Variants in CNTN1 observed in about 807,000 individuals in gnomAD.
CNTN1 encodes contactin 1.
Under a neutral mutation model 126.4 loss-of-function variants are expected in CNTN1, and 38 were observed. That is an observed-to-expected ratio of 0.30 (90% CI 0.23 to 0.39). The LOEUF is 0.39. Among genes scored for constraint, CNTN1 ranks in the 10% least tolerant of loss-of-function variants. The pLI is 1.00. For missense variants in CNTN1, 1,009 were observed against 1,248.4 expected, an observed-to-expected ratio of 0.81 and a Z score of 2.89; for synonymous variants, 413 against 422.6, an observed-to-expected ratio of 0.98 and a Z score of 0.28.
At chr12:40,932,076 G>A (rs1203733535) in intron 7 of CNTN1, among the ~76,000 whole-genome samples, 2 of 151,820 alleles carry the variant, frequency 1.3e-5, no homozygotes, top group Non-Finnish European at 2.9e-5. Context: ...ATGCCAGCAA[G>A]GTCTTCCACT....
intron 17 of CNTN1, among the ~76,000 whole-genome samples, chr12:41,008,531 TG>T (rs1324258794): frequency 2.6e-5 from 4 of 152,326 alleles, no homozygotes; most frequent in African/African-American, 9.6e-5. Flanking sequence ...GGGTGGCTAG[TG>T]TAATTTTAGT....
chr12:41,033,585 G>A (rs997014874), intron 23 of CNTN1, among the ~76,000 whole-genome samples: 1 of 152,010 alleles, frequency 6.6e-6, no homozygotes, highest in African/African-American at 2.4e-5. Flanking sequence ...ATTTTTCTAC[G>A]GAAAAGAAGT....
At chr12:40,951,192 G>T (rs1409417700) in intron 14 of CNTN1, among the ~76,000 whole-genome samples, 1 of 152,012 alleles carries the variant, frequency 6.6e-6, no homozygotes, top group Non-Finnish European at 1.5e-5. Flanking sequence ...ATGGTCTTTT[G>T]AGTTTTCATT....
chr12:40,890,292 C>T (rs913907768), intron 1 of CNTN1, among the ~76,000 whole-genome samples: 1 of 152,196 alleles, frequency 6.6e-6, no homozygotes, highest in Non-Finnish European at 1.5e-5. Context: ...CCACTGTCAA[C>T]ATCCCGCACC....
chr12:41,035,763 C>A (rs1949245025), intron 23 of CNTN1, among the ~76,000 whole-genome samples: 1 of 152,040 alleles, frequency 6.6e-6, no homozygotes, highest in African/African-American at 2.4e-5. Context: ...CTTGTCATGT[C>A]AAGGACCTGA....
At chr12:40,840,109 C>A (rs374562671) in intron 1 of CNTN1, among the ~76,000 whole-genome samples, 3 of 151,332 alleles carry the variant, frequency 2.0e-5, no homozygotes, top group African/African-American at 7.3e-5. Flanking sequence ...ACTCACCTTA[C>A]CAGTGAAGAC....
intron 3 of CNTN1, among the ~76,000 whole-genome samples, chr12:40,916,080 C>T (rs577663992): frequency 2.6e-5 from 4 of 152,196 alleles, no homozygotes; most frequent in African/African-American, 7.2e-5. Flanking sequence ...GAACTTTACA[C>T]TCCCCTAAGC....
chr12:40,945,398 A>C (rs1226626748), intron 14 of CNTN1, among the ~76,000 whole-genome samples: 1 of 152,080 alleles, frequency 6.6e-6, no homozygotes, highest in East Asian at 1.9e-4. Flanking sequence ...AAAGTAAGCT[A>C]AACAGGGATC....
intron 1 of CNTN1, among the ~76,000 whole-genome samples, chr12:40,846,939 C>T (rs1942530556): frequency 6.6e-6 from 1 of 152,128 alleles, no homozygotes; most frequent in South Asian, 2.1e-4. Context: ...GCGATCTCGG[C>T]TCACTGCATC....
intron 1 of CNTN1, among the ~76,000 whole-genome samples, chr12:40,849,793 C>A (rs1167304208): frequency 6.6e-6 from 1 of 151,776 alleles, no homozygotes; most frequent in Non-Finnish European, 1.5e-5. Flanking sequence ...GCAGCCAAAG[C>A]CAAACAAATT....
chr12:40,895,797 G>A (rs957157344), intron 1 of CNTN1, among the ~76,000 whole-genome samples: 10 of 138,274 alleles, frequency 7.2e-5, no homozygotes, highest in African/African-American at 2.5e-4. Context: ...TGGCTCTGTC[G>A]CCCAGGCTGG....
At chr12:40,834,602 C>T (rs1043717310) in intron 1 of CNTN1, among the ~76,000 whole-genome samples, 1 of 152,094 alleles carries the variant, frequency 6.6e-6, no homozygotes, top group African/African-American at 2.4e-5. Flanking sequence ...TATTGAAGAA[C>T]TGGGTGGATA....
intron 1 of CNTN1, among the ~76,000 whole-genome samples, chr12:40,778,696 A>C (rs889182986): frequency 1.2e-4 from 18 of 151,978 alleles, no homozygotes; most frequent in African/African-American, 3.9e-4. Context: ...CTAACCAAAA[A>C]AAACCTAAGA....
chr12:41,044,014 G>C (rs1324049691), intron 23 of CNTN1, among the ~76,000 whole-genome samples: 1 of 103,478 alleles, frequency 9.7e-6, no homozygotes, highest in African/African-American at 3.7e-5. Context: ...TGGGGGGAGG[G>C]GGGTGGGATA....
At chr12:40,916,561 C>T (rs1436248453) in intron 3 of CNTN1, among the ~76,000 whole-genome samples, 3 of 152,024 alleles carry the variant, frequency 2.0e-5, no homozygotes, top group Non-Finnish European at 2.9e-5. Context: ...CAGAAAATAT[C>T]AGGCATCTTC....
At chr12:40,932,162 C>G (rs1248039745) in intron 7 of CNTN1, among the ~76,000 whole-genome samples, 2 of 151,654 alleles carry the variant, frequency 1.3e-5, no homozygotes, top group Non-Finnish European at 1.5e-5. Context: ...TTGGCTGTGT[C>G]CTCACCCAAA....
chr12:40,891,987 T>C (rs1055510072), intron 1 of CNTN1, among the ~76,000 whole-genome samples: 1 of 152,178 alleles, frequency 6.6e-6, no homozygotes, highest in African/African-American at 2.4e-5. Flanking sequence ...AGAACTGATA[T>C]CTTGACAATT....
At chr12:40,782,081 T>C (rs1939825470) in intron 1 of CNTN1, among the ~76,000 whole-genome samples, 1 of 151,974 alleles carries the variant, frequency 6.6e-6, no homozygotes, top group African/African-American at 2.4e-5. Flanking sequence ...TTTTGTTACA[T>C]AATAGTAATT....
At chr12:40,821,943 G>A (rs1466295592) in intron 1 of CNTN1, among the ~76,000 whole-genome samples, 3 of 151,164 alleles carry the variant, frequency 2.0e-5, no homozygotes, top group Non-Finnish European at 2.9e-5. Context: ...GATATTTCAA[G>A]CATTTAGATA....
Sources: allele counts gnomAD v4.1 joint callset (sites outside exome capture counted in the v4.1 genomes callset), GRCh38; gene constraint gnomAD v4.1.1; transcripts MANE v1.5; gene names NCBI Gene and HGNC (gene_info 2026-07-23, HGNC 2026-07-21).